The following LRRC7 variants were observed in gnomAD, a reference collection of about 807,000 sequenced individuals.
The protein encoded by LRRC7 is leucine rich repeat containing 7.
A neutral mutation model predicts 175.7 loss-of-function variants in LRRC7; 23 were observed. The observed-to-expected ratio is 0.13, with a 90% CI of 0.09 to 0.19. The LOEUF (loss-of-function observed/expected upper bound fraction) is 0.19, where lower values mean the gene tolerates loss of function less well. Among genes scored for constraint, LRRC7 ranks in the 10% least tolerant of loss-of-function variants. The pLI is 1.00. For synonymous variants in LRRC7, 685 were observed against 680.9 expected, an observed-to-expected ratio of 1.01 and a Z score of -0.09; for missense variants, 1,354 against 1,904.7, an observed-to-expected ratio of 0.71 and a Z score of 5.38.
At chr1:69,917,136 G>A (rs936245390) in intron 7 of LRRC7, among the ~76,000 whole-genome samples, 9 of 152,146 alleles carry the variant, frequency 5.9e-5, no homozygotes, top group Admixed American at 4.6e-4. Flanking sequence ...TTCTCCTTAA[G>A]ATAACTGAGT....
intron 22 of LRRC7, among the ~76,000 whole-genome samples, chr1:70,048,152 AT>A: frequency 6.6e-6 from 1 of 152,252 alleles, no homozygotes; most frequent in East Asian, 1.9e-4. Context: ...AGAAATACAA[AT>A]TGTAAAATGC....
intron 7 of LRRC7, among the ~76,000 whole-genome samples, chr1:69,913,441 T>TTTAATG (rs71071382): frequency 0.39 from 58,656 of 151,664 alleles, 12,508 homozygotes; most frequent in East Asian, 0.55. Context: ...ACACTAGGTA[T>TTTAATG]TTAATGTTTC....
intron 2 of LRRC7, among the ~76,000 whole-genome samples, chr1:69,739,530 A>G (rs1394921513): frequency 6.6e-6 from 1 of 152,106 alleles, no homozygotes; most frequent in Non-Finnish European, 1.5e-5. Flanking sequence ...ATACAACATC[A>G]AAGAGCAAAA....
intron 23 of LRRC7, among the ~76,000 whole-genome samples, chr1:70,074,659 A>G (rs1224225833): frequency 3.3e-5 from 5 of 152,224 alleles, no homozygotes; most frequent in Middle Eastern, 3.2e-3. Context: ...AAATGTAAAC[A>G]ATTGTAAATT....
intron 7 of LRRC7, among the ~76,000 whole-genome samples, chr1:69,901,307 TA>T: frequency 6.6e-6 from 1 of 152,224 alleles, no homozygotes; most frequent in East Asian, 1.9e-4. Context: ...TGTTTGTAAC[TA>T]ATTGGAGAAT....
At chr1:69,809,419 T>C (rs1279894323) in intron 4 of LRRC7, among the ~76,000 whole-genome samples, 2 of 152,146 alleles carry the variant, frequency 1.3e-5, no homozygotes, top group Non-Finnish European at 1.5e-5. Flanking sequence ...CCCTAACTCA[T>C]TTTATGAAGC....
intron 15 of LRRC7, among the ~76,000 whole-genome samples, chr1:70,020,379 G>T (rs1436741926): frequency 6.6e-6 from 1 of 151,870 alleles, no homozygotes; most frequent in African/African-American, 2.4e-5. Flanking sequence ...TAAACTAACT[G>T]CAACAGACTA....
chr1:69,649,309 A>G (rs916685225), intron 1 of LRRC7, among the ~76,000 whole-genome samples: 1 of 152,190 alleles, frequency 6.6e-6, no homozygotes, highest in African/African-American at 2.4e-5. Context: ...TCAAATTGTT[A>G]GTTCTTGTTT....
intron 13 of LRRC7, among the ~76,000 whole-genome samples, chr1:70,015,477 A>C (rs1454131372): frequency 6.6e-6 from 1 of 152,126 alleles, no homozygotes; most frequent in Middle Eastern, 3.2e-3. Flanking sequence ...GGAAATTTTC[A>C]TTCTATATTA....
chr1:69,667,951 C>T (rs1396425012), intron 1 of LRRC7, among the ~76,000 whole-genome samples: 1 of 151,786 alleles, frequency 6.6e-6, no homozygotes, highest in Non-Finnish European at 1.5e-5. Context: ...TAATTCATTG[C>T]TTTTTATTTT....
At chr1:69,587,444 G>A (rs1353615775) in intron 1 of LRRC7, among the ~76,000 whole-genome samples, 1 of 152,052 alleles carries the variant, frequency 6.6e-6, no homozygotes, top group Non-Finnish European at 1.5e-5. Context: ...CCCATCTTGA[G>A]ATTTTGTGAA....
intron 8 of LRRC7, among the ~76,000 whole-genome samples, chr1:69,948,152 T>C (rs1271825744): frequency 6.6e-6 from 1 of 152,170 alleles, no homozygotes; most frequent in Non-Finnish European, 1.5e-5. Flanking sequence ...AACTTATAAA[T>C]AGTTTGTTTC....
chr1:69,803,954 T>C (rs1676819567), intron 4 of LRRC7, among the ~76,000 whole-genome samples: 1 of 151,390 alleles, frequency 6.6e-6, no homozygotes, highest in African/African-American at 2.4e-5. Context: ...CAAATAGTAC[T>C]ATTTTTGCTT....
chr1:69,879,019 TGA>T (rs1686304521), intron 7 of LRRC7, among the ~76,000 whole-genome samples: 1 of 150,464 alleles, frequency 6.6e-6, no homozygotes, highest in Non-Finnish European at 1.5e-5. Flanking sequence ...AAATGTACAC[TGA>T]GAGTGAACCC....
intron 1 of LRRC7, among the ~76,000 whole-genome samples, chr1:69,602,275 C>T (rs561430931): frequency 6.6e-6 from 1 of 152,146 alleles, no homozygotes; most frequent in South Asian, 2.1e-4. Context: ...CATAGTCAAC[C>T]GACGGTATTA....
chr1:69,608,624 GCTT>G lies in LRRC7; in HGVS notation c.2+39987_2+39989del, dbSNP rs146958284. 8.3e-3 allele frequency among the ~76,000 whole-genome samples: 1,261 copies of G among 151,904 alleles called. 14 individuals carry two copies. The highest frequency in any genetic ancestry group is 0.029 in the African/African-American group (1,199 of 41,426). On this transcript the variant is annotated intron_variant, in intron 1 of 26. Transcript: ENST00000651989. ...CAGTTCCTAATATAATTTCTTTACA[GCTT>G]CTTTAACAAATTCAGTTATATTTGT...
chr1:69,905,292 A>G (rs996554264), intron 7 of LRRC7, among the ~76,000 whole-genome samples: 2 of 151,946 alleles, frequency 1.3e-5, no homozygotes, highest in African/African-American at 4.8e-5. Context: ...GTTTTAGGGT[A>G]CATGTGCACA....
chr1:69,630,053 T>TA (rs1197964476), intron 1 of LRRC7, among the ~76,000 whole-genome samples: 8 of 152,254 alleles, frequency 5.3e-5, no homozygotes, highest in Admixed American at 4.6e-4. Flanking sequence ...CTGCTTCCTA[T>TA]AATGGTGATT....
chr1:70,053,816 G>A (rs1660924320), intron 23 of LRRC7, among the ~76,000 whole-genome samples: 1 of 152,098 alleles, frequency 6.6e-6, no homozygotes, highest in African/African-American at 2.4e-5. Context: ...AATCAGTAAT[G>A]AAGACATACA....
Sources: allele counts gnomAD v4.1 joint callset (sites outside exome capture counted in the v4.1 genomes callset), GRCh38; gene constraint gnomAD v4.1.1; transcripts MANE v1.5; gene names NCBI Gene and HGNC (gene_info 2026-07-23, HGNC 2026-07-21).